ELOVL5: variants seen among roughly 807,000 people sequenced by gnomAD.
ELOVL5 encodes the protein ELOVL fatty acid elongase 5.
A neutral mutation model predicts 38.6 loss-of-function variants in ELOVL5; 8 were observed. The observed-to-expected ratio is 0.21, with a 90% CI of 0.12 to 0.37. The LOEUF (loss-of-function observed/expected upper bound fraction) is 0.37. ELOVL5 is among the 10% of genes least tolerant of loss of function. The pLI is 1.00. For synonymous variants in ELOVL5, 127 were observed against 133.7 expected (o/e 0.95, Z 0.34); for missense variants, 280 against 367.8 (o/e 0.76, Z 1.95).
intron 1 of ELOVL5, among the ~76,000 whole-genome samples, chr6:53,303,362 C>A (rs1767339975): frequency 6.6e-6 from 1 of 152,188 alleles, no homozygotes; most frequent in African/African-American, 2.4e-5. Flanking sequence ...AAAATATCTA[C>A]CGCACCAACA....
intron 3 of ELOVL5, among the ~76,000 whole-genome samples, chr6:53,285,399 CAGA>C (rs1045796936): frequency 3.3e-5 from 5 of 152,120 alleles, no homozygotes; most frequent in African/African-American, 1.2e-4. Flanking sequence ...GATGAAGCTG[CAGA>C]AGAAAAGCTT....
At chr6:53,269,515 T>C (rs764049071) in intron 7 of ELOVL5, among the ~76,000 whole-genome samples, 18 of 152,180 alleles carry the variant, frequency 1.2e-4, no homozygotes, top group Admixed American at 2.6e-4. Context: ...AGAAATACTA[T>C]TTAAAATGTC....
intron 3 of ELOVL5, among the ~76,000 whole-genome samples, chr6:53,280,609 T>C (rs1029823120): frequency 6.6e-6 from 1 of 152,242 alleles, no homozygotes; most frequent in Non-Finnish European, 1.5e-5. Context: ...TCTTTTTTCT[T>C]TGAGACAGGG....
intron 2 of ELOVL5, 79 bp downstream of exon 2, chr6:53,295,561 ATC>A (rs1766958577): frequency 2.2e-6 from 2 of 889,266 alleles, no homozygotes; most frequent in African/African-American, 3.5e-5. Flanking sequence ...ATTTTCTACT[ATC>A]TCCTCATGCA....
intron 3 of ELOVL5, among the ~76,000 whole-genome samples, chr6:53,286,168 T>C (rs1250944230): frequency 1.3e-5 from 2 of 152,188 alleles, no homozygotes; most frequent in South Asian, 2.1e-4. Flanking sequence ...GATTCAGTCA[T>C]TAAACCCCTA....
intron 1 of ELOVL5, among the ~76,000 whole-genome samples, chr6:53,296,118 C>CA (rs1397790265): frequency 6.6e-6 from 1 of 151,972 alleles, no homozygotes; most frequent in African/African-American, 2.4e-5. Flanking sequence ...CAGAATGCCA[C>CA]AGTGACAAGA....
chr6:53,318,747 T>A (rs1490196678), intron 1 of ELOVL5, among the ~76,000 whole-genome samples: 1 of 151,600 alleles, frequency 6.6e-6, no homozygotes, highest in Non-Finnish European at 1.5e-5. Flanking sequence ...CTCAAAAAGA[T>A]AAAAATAAAA....
At position 53,267,584 on chromosome 6, in the gene ELOVL5, T is replaced by C. The variant is rs1765784582; in HGVS notation, c.*1543A>G. ...CATACATTTATAAATATACACATTCTAGGTTTGATAAGGTAAATGTAAACA... is the reference window on the plus strand; with the variant it reads ...CATACATTTATAAATATACACATTCCAGGTTTGATAAGGTAAATGTAAACA... On this transcript the variant is annotated 3_prime_UTR_variant, in exon 8 of 8. Coordinates refer to ENST00000304434, the MANE Select transcript of ELOVL5 (RefSeq NM_021814.5). 1 of 152,676 alleles carries C rather than the reference T, an allele frequency of 6.5e-6. No homozygotes were observed. Among genetic ancestry groups the C allele is most frequent in the Non-Finnish European group, 1.5e-5 (1 of 68,044 alleles). 9.5% of individuals were successfully genotyped at this position (152,676 alleles called of 1,614,324 possible).
intron 1 of ELOVL5, among the ~76,000 whole-genome samples, chr6:53,336,275 C>G (rs932641338): frequency 1.3e-5 from 2 of 152,144 alleles, no homozygotes; most frequent in African/African-American, 4.8e-5. Flanking sequence ...AAATACTGAC[C>G]AAGTGGCTAC....
chr6:53,337,736 T>A (rs1769136357), intron 1 of ELOVL5, among the ~76,000 whole-genome samples: 1 of 152,182 alleles, frequency 6.6e-6, no homozygotes, highest in South Asian at 2.1e-4. Context: ...CATCTAATTT[T>A]TAGGAATCAA....
chr6:53,328,978 C>T (rs1319518556), intron 1 of ELOVL5, among the ~76,000 whole-genome samples: 1 of 152,154 alleles, frequency 6.6e-6, no homozygotes, highest in South Asian at 2.1e-4. Context: ...CAGATATGTT[C>T]ATTTGATAAA....
intron 1 of ELOVL5, among the ~76,000 whole-genome samples, chr6:53,299,898 TAGGAATATATTGAAAG>T (rs1316023990): frequency 6.6e-6 from 1 of 152,192 alleles, no homozygotes; most frequent in East Asian, 1.9e-4. Context: ...CAATCAAACT[TAGGAATATATTGAAAG>T]AGCCAACAAA....
At chr6:53,294,264 A>AC in intron 2 of ELOVL5, 1 of 1,549,718 alleles carries the variant, frequency 6.5e-7, no homozygotes, top group Non-Finnish European at 8.7e-7. Flanking sequence ...GGTGGTCCTA[A>AC]CCCCCTCTGG....
chr6:53,294,208 G>A (rs1022844581), intron 2 of ELOVL5: 6 of 1,477,214 alleles, frequency 4.1e-6, no homozygotes, highest in East Asian at 5.0e-5. Flanking sequence ...CACCTGACCC[G>A]AACTCCAGCC....
Position 53,295,723 on chromosome 6 carries a change from A to G in ELOVL5, c.-8-16T>C, listed in dbSNP as rs1374826724. 57 of 1,480,094 alleles carry G rather than the reference A, an allele frequency of 3.9e-5. No individual in the cohort carries two copies. The Admixed American group carries it at 7.5e-4, about 19-fold the overall frequency. The allele number at this position is 1,480,094 out of a possible 1,614,324, so 91.7% of individuals were successfully genotyped here. On this transcript the variant is annotated splice_polypyrimidine_tract_variant and intron_variant, in intron 1 of 7. Transcript: ENST00000304434. Reference sequence around the variant, plus strand: ...ATTTGAAAACCTATTAAGAAAAAAAAAGATACTGATTAATCTCTACTCAAA... The same window carrying G: ...ATTTGAAAACCTATTAAGAAAAAAAGAGATACTGATTAATCTCTACTCAAA...
chr6:53,301,777 C>T (rs1767263214), intron 1 of ELOVL5, among the ~76,000 whole-genome samples: 1 of 152,162 alleles, frequency 6.6e-6, no homozygotes. Context: ...CCAAAAGACA[C>T]TCCTAATTTA....
At chr6:53,342,024 C>T (rs562816481) in intron 1 of ELOVL5, among the ~76,000 whole-genome samples, 2 of 152,294 alleles carry the variant, frequency 1.3e-5, no homozygotes, top group East Asian at 3.9e-4. Context: ...CCAACCCAAT[C>T]TGCTTCCCAC....
At chr6:53,324,673 A>AT (rs1768450593) in intron 1 of ELOVL5, among the ~76,000 whole-genome samples, 1 of 37,610 alleles carries the variant, frequency 2.7e-5, no homozygotes, top group African/African-American at 6.7e-5. Flanking sequence ...AGATCCTGTC[A>AT]AAAAAAAAAA....
At chr6:53,327,534 G>A (rs1403437147) in intron 1 of ELOVL5, among the ~76,000 whole-genome samples, 1 of 152,186 alleles carries the variant, frequency 6.6e-6, no homozygotes, top group African/African-American at 2.4e-5. Context: ...GCTCAGGAGA[G>A]GGGAGAATGG....
Sources: gnomAD v4.1 joint callset for allele counts (sites outside exome capture counted in the v4.1 genomes callset) on GRCh38, gnomAD v4.1.1 for gene constraint, MANE v1.5 for transcripts, NCBI Gene and HGNC (gene_info 2026-07-23, HGNC 2026-07-21) for gene names.